Variants in LUZP2 observed in about 807,000 individuals in gnomAD.
The protein encoded by LUZP2 is leucine zipper protein 2.
A neutral mutation model predicts 51.6 loss-of-function variants in LUZP2; 52 were observed. The ratio of observed to expected loss-of-function variants is 1.01; its 90% CI spans 0.81 to 1.27. LUZP2 has a LOEUF of 1.27. Among genes scored for constraint, LUZP2 ranks in the 50% most tolerant of loss-of-function variants. LUZP2 has a pLI of 0.00. For missense variants in LUZP2, 436 were observed against 395.4 expected (o/e 1.10, Z -0.87); for synonymous variants, 154 against 137.3 (o/e 1.12, Z -0.85).
intron 5 of LUZP2, among the ~76,000 whole-genome samples, chr11:24,857,090 T>A (rs986276270): frequency 6.6e-6 from 1 of 151,946 alleles, no homozygotes; most frequent in Non-Finnish European, 1.5e-5. Context: ...TTTATACGAA[T>A]AATTAAAAGG....
In LUZP2 at chr11:24,681,956, T is replaced by C. The variant is rs1057486512; in HGVS notation, c.63-47213T>C. Among the ~76,000 whole-genome samples, 9 of 152,152 alleles carry C rather than the reference T, an allele frequency of 5.9e-5. No individual in the cohort carries two copies. In the East Asian group the frequency reaches 1.5e-3, roughly 26 times the overall value. ...AACATCTACATGCATGCAGAAACAT[T>C]TGTGGGTTTTCTTTAGCCAGAAAGA... On this transcript the variant is annotated intron_variant, in intron 1 of 11. Transcript: ENST00000336930.
intron 1 of LUZP2, among the ~76,000 whole-genome samples, chr11:24,628,458 CT>C (rs1854761418): frequency 6.6e-6 from 1 of 152,102 alleles, no homozygotes; most frequent in African/African-American, 2.4e-5. Flanking sequence ...CCTTAAGATG[CT>C]TTTTTTCTTT....
chr11:24,696,549 C>T lies in LUZP2; in HGVS notation c.63-32620C>T, dbSNP rs180715840. Among the ~76,000 whole-genome samples, 550 of 152,084 alleles carry T rather than the reference C, an allele frequency of 3.6e-3. 2 individuals carry two copies. Among genetic ancestry groups the T allele is most frequent in the Non-Finnish European group, 6.5e-3 (444 of 67,974 alleles). ...TTTATTTCTCATTACTTCATAATAA[C>T]ATACTCATCCATTTTTTCTATTATA... On this transcript the variant is annotated intron_variant, in intron 1 of 11. Coordinates refer to ENST00000336930, the MANE Select transcript of LUZP2 (RefSeq NM_001009909.4).
chr11:25,064,666 G>T (rs1191774586), intron 10 of LUZP2, among the ~76,000 whole-genome samples: 3 of 151,876 alleles, frequency 2.0e-5, no homozygotes, highest in Non-Finnish European at 4.4e-5. Context: ...TAAGATTGTG[G>T]CTGTTTTGGC....
intron 1 of LUZP2, among the ~76,000 whole-genome samples, chr11:24,603,889 T>G (rs1242843851): frequency 6.6e-6 from 1 of 151,784 alleles, no homozygotes. Flanking sequence ...CCTGTTATTG[T>G]CATTTATTTT....
intron 1 of LUZP2, among the ~76,000 whole-genome samples, chr11:24,685,620 C>G (rs900973616): frequency 2.6e-5 from 4 of 152,114 alleles, no homozygotes; most frequent in Non-Finnish European, 4.4e-5. Context: ...CCAACAAAGC[C>G]TACTTGGGAA....
intron 1 of LUZP2, among the ~76,000 whole-genome samples, chr11:24,679,323 A>T (rs949457577): frequency 6.6e-6 from 1 of 152,246 alleles, no homozygotes; most frequent in Non-Finnish European, 1.5e-5. Context: ...TGATAAAAAC[A>T]ATAATAATGT....
At chr11:24,754,661 C>T (rs544772242) in intron 4 of LUZP2, among the ~76,000 whole-genome samples, 1 of 152,256 alleles carries the variant, frequency 6.6e-6, no homozygotes, top group Non-Finnish European at 1.5e-5. Flanking sequence ...CTGGGGTGCT[C>T]CACTTGGCAT....
intron 5 of LUZP2, among the ~76,000 whole-genome samples, chr11:24,866,025 T>C (rs1851882676): frequency 6.6e-6 from 1 of 151,602 alleles, no homozygotes; most frequent in African/African-American, 2.4e-5. Flanking sequence ...GCCAGGTTGG[T>C]CTCGAACTCT....
intron 1 of LUZP2, among the ~76,000 whole-genome samples, chr11:24,595,511 G>A (rs1162468418): frequency 1.3e-5 from 2 of 152,172 alleles, no homozygotes; most frequent in African/African-American, 4.8e-5. Flanking sequence ...GGTTCTGCTG[G>A]ATGGTATGTG....
intron 1 of LUZP2, among the ~76,000 whole-genome samples, chr11:24,602,155 TA>T (rs1447941209): frequency 7.7e-6 from 1 of 129,948 alleles, no homozygotes; most frequent in Non-Finnish European, 1.6e-5. Context: ...TATATGTATA[TA>T]TGTATATATG....
intron 8 of LUZP2, among the ~76,000 whole-genome samples, chr11:24,979,437 A>G (rs945335380): frequency 1.3e-5 from 2 of 151,830 alleles, no homozygotes; most frequent in Admixed American, 1.3e-4. Context: ...TCTCTCCATC[A>G]TCTTTATATG....
intron 5 of LUZP2, among the ~76,000 whole-genome samples, chr11:24,862,367 C>A (rs1006658528): frequency 6.6e-6 from 1 of 152,122 alleles, no homozygotes; most frequent in African/African-American, 2.4e-5. Flanking sequence ...TCATTACCAC[C>A]AGGCATGCCC....
chr11:25,033,406 T>G (rs1340634786), intron 9 of LUZP2, among the ~76,000 whole-genome samples: 1 of 140,908 alleles, frequency 7.1e-6, no homozygotes, highest in East Asian at 2.6e-4. Flanking sequence ...AATAAACATG[T>G]TAGAATCAAA....
intron 7 of LUZP2, among the ~76,000 whole-genome samples, chr11:24,923,070 G>A (rs1017648481): frequency 6.6e-6 from 1 of 151,444 alleles, no homozygotes; most frequent in African/African-American, 2.4e-5. Flanking sequence ...GGATGGTCTC[G>A]ATCTCCTGAC....
chr11:24,768,683 G>T (rs1308502885), intron 5 of LUZP2, among the ~76,000 whole-genome samples: 1 of 152,124 alleles, frequency 6.6e-6, no homozygotes. Context: ...TCACGAAAAT[G>T]CCAATCGAAG....
chr11:25,026,876 T>A (rs185981402), intron 9 of LUZP2, among the ~76,000 whole-genome samples: 225 of 130,630 alleles, frequency 1.7e-3, no homozygotes, highest in African/African-American at 5.2e-3. Flanking sequence ...AATTATTATT[T>A]TTTTTCTTTC....
rs370462740 is a variant in LUZP2 at position 24,780,718 on chromosome 11, G to C, written c.396+17410G>C. Among the ~76,000 whole-genome samples the C allele has an allele frequency of 5.3e-5, 8 of 152,180 alleles. No homozygotes were observed. In the East Asian group the frequency reaches 1.4e-3, roughly 26 times the overall value. On this transcript the variant is annotated intron_variant, in intron 5 of 11. Coordinates refer to ENST00000336930, the MANE Select transcript of LUZP2 (RefSeq NM_001009909.4). ...ATTATGTCACTCAATTTGAACAACTGTCTTGTTTGTCTGTTCATTTTTAAT... is the reference window on the plus strand; with the variant it reads ...ATTATGTCACTCAATTTGAACAACTCTCTTGTTTGTCTGTTCATTTTTAAT...
chr11:24,584,818 G>GA (rs1853003563), intron 1 of LUZP2, among the ~76,000 whole-genome samples: 1 of 152,094 alleles, frequency 6.6e-6, no homozygotes, highest in African/African-American at 2.4e-5. Context: ...AGAAGACCAA[G>GA]AAAGTACATA....
Sources: gnomAD v4.1 joint callset for allele counts (sites outside exome capture counted in the v4.1 genomes callset) on GRCh38, gnomAD v4.1.1 for gene constraint, MANE v1.5 for transcripts, NCBI Gene and HGNC (gene_info 2026-07-23, HGNC 2026-07-21) for gene names.